ERBB4: variants seen among roughly 807,000 people sequenced by gnomAD.
The protein encoded by ERBB4 is erb-b2 receptor tyrosine kinase 4.
In ERBB4, 42 loss-of-function variants were observed where a neutral mutation model predicts 158.0. The ratio of observed to expected loss-of-function variants is 0.27; its 90% CI spans 0.21 to 0.34. The LOEUF (loss-of-function observed/expected upper bound fraction) is 0.34, where lower values mean the gene tolerates loss of function less well. Among genes scored for constraint, ERBB4 ranks in the 10% least tolerant of loss-of-function variants. The probability of loss-of-function intolerance (pLI) is 1.00; values close to 1 mark genes in which losing one functional copy is unlikely to be tolerated. For missense variants in ERBB4, 1,333 were observed against 1,624.1 expected (o/e 0.82, Z 3.08); for synonymous variants, 583 against 558.7 (o/e 1.04, Z -0.61).
intron 14 of ERBB4, among the ~76,000 whole-genome samples, chr2:211,670,246 T>C (rs1318233485): frequency 6.6e-6 from 1 of 152,114 alleles, no homozygotes; most frequent in Non-Finnish European, 1.5e-5. Context: ...ATATGAATCA[T>C]TAAGGGTTGA....
At chr2:211,896,616 C>G (rs2079104637) in intron 3 of ERBB4, among the ~76,000 whole-genome samples, 1 of 151,976 alleles carries the variant, frequency 6.6e-6, no homozygotes, top group Non-Finnish European at 1.5e-5. Context: ...CATTTGTAGT[C>G]TTGAGAAGGT....
intron 2 of ERBB4, among the ~76,000 whole-genome samples, chr2:211,978,396 G>GTCTGTCTGTCTATCTA (rs77259627): frequency 0.012 from 1,685 of 136,508 alleles, 29 homozygotes; most frequent in African/African-American, 0.031. Flanking sequence ...CTGTCTGTCT[G>GTCTGTCTGTCTATCTA]TCTATCTATC....
intron 2 of ERBB4, among the ~76,000 whole-genome samples, chr2:211,973,526 T>C (rs889175408): frequency 5.3e-5 from 8 of 152,050 alleles, no homozygotes; most frequent in Non-Finnish European, 1.0e-4. Flanking sequence ...AAAACCACAA[T>C]GATATATCAT....
chr2:212,320,166 C>A (rs939464278), intron 1 of ERBB4, among the ~76,000 whole-genome samples: 3 of 147,640 alleles, frequency 2.0e-5, no homozygotes, highest in African/African-American at 7.6e-5. Context: ...TATGTTCTGA[C>A]TGGGTAAATC....
chr2:212,026,659 C>T (rs184347702), intron 2 of ERBB4, among the ~76,000 whole-genome samples: 153 of 151,928 alleles, frequency 1.0e-3, no homozygotes, highest in Non-Finnish European at 1.5e-3. Context: ...GAATATGAAT[C>T]TCCTCCCAGA....
At chr2:212,090,790 A>C (rs973800455) in intron 2 of ERBB4, among the ~76,000 whole-genome samples, 1 of 152,172 alleles carries the variant, frequency 6.6e-6, no homozygotes, top group Non-Finnish European at 1.5e-5. Flanking sequence ...CTGATGATTA[A>C]AACAAGGTTT....
intron 20 of ERBB4, among the ~76,000 whole-genome samples, chr2:211,522,516 G>A (rs1184350787): frequency 6.6e-6 from 1 of 152,114 alleles, no homozygotes; most frequent in African/African-American, 2.4e-5. Flanking sequence ...GACAACAAAC[G>A]ATTTAGAGTA....
chr2:211,969,936 G>T (rs839507), intron 2 of ERBB4, among the ~76,000 whole-genome samples: 1 of 151,724 alleles, frequency 6.6e-6, no homozygotes, highest in Admixed American at 6.6e-5. Context: ...CTAGCTTTGG[G>T]ATTTCTTTGC....
chr2:212,214,158 C>T (rs4630709), intron 1 of ERBB4, among the ~76,000 whole-genome samples: 83,895 of 151,164 alleles, frequency 0.55, 23,461 homozygotes, highest in East Asian at 0.77. Flanking sequence ...AGAATTTTTA[C>T]ACATATGGGA....
At chr2:212,398,619 CA>C (rs2091098048) in intron 1 of ERBB4, among the ~76,000 whole-genome samples, 1 of 152,062 alleles carries the variant, frequency 6.6e-6, no homozygotes, top group African/African-American at 2.4e-5. Flanking sequence ...TGCTTATAGA[CA>C]GAGCTAATTA....
chr2:212,500,730 T>C (rs1690842738), intron 1 of ERBB4, among the ~76,000 whole-genome samples: 1 of 152,070 alleles, frequency 6.6e-6, no homozygotes, highest in Admixed American at 6.6e-5. Flanking sequence ...ACAAAAATAT[T>C]CAATCCATCT....
intron 12 of ERBB4, among the ~76,000 whole-genome samples, chr2:211,691,157 T>C (rs958680796): frequency 6.6e-6 from 1 of 152,202 alleles, no homozygotes; most frequent in Admixed American, 6.5e-5. Flanking sequence ...TGTTTAGTGG[T>C]CATCATAGTT....
At chr2:211,546,045 C>T (rs1182359860) in intron 20 of ERBB4, among the ~76,000 whole-genome samples, 1 of 151,936 alleles carries the variant, frequency 6.6e-6, no homozygotes, top group Admixed American at 6.6e-5. Context: ...TTTACCTTAG[C>T]CAAATAAAAC....
chr2:211,456,327 T>C (rs1022473041), intron 20 of ERBB4, among the ~76,000 whole-genome samples: 1 of 152,222 alleles, frequency 6.6e-6, no homozygotes, highest in Non-Finnish European at 1.5e-5. Context: ...TGTAAGGATA[T>C]AATATACAAT....
Position 212,148,315 on chromosome 2 carries a change from A to G in ERBB4, c.83-23412T>C, listed in dbSNP as rs2080752436. Among the ~76,000 whole-genome samples, 3 of 152,196 alleles carry G rather than the reference A, an allele frequency of 2.0e-5. 1 individual carries two copies. The South Asian group carries it at 6.2e-4, about 32-fold the overall frequency. ...TACAAAGAGGAATATACTTATTAGCAGATACCTCGCATAATTCAAAAAAGA... is the reference window on the plus strand; with the variant it reads ...TACAAAGAGGAATATACTTATTAGCGGATACCTCGCATAATTCAAAAAAGA... On this transcript the variant is annotated intron_variant, in intron 1 of 27. Transcript: ENST00000342788.
chr2:211,673,013 T>A (rs2071901277), intron 14 of ERBB4, 151 bp downstream of exon 14: 1 of 682,486 alleles, frequency 1.5e-6, no homozygotes, highest in African/African-American at 1.8e-5. Flanking sequence ...TCTCTACTAC[T>A]AAACTTTAAG....
At chr2:211,763,678 T>G (rs1222911221) in intron 4 of ERBB4, among the ~76,000 whole-genome samples, 1 of 152,108 alleles carries the variant, frequency 6.6e-6, no homozygotes, top group African/African-American at 2.4e-5. Flanking sequence ...TGTTACAGAT[T>G]GCTAGCCTGT....
chr2:211,551,957 G>A (rs141215026), intron 20 of ERBB4, among the ~76,000 whole-genome samples: 1 of 152,312 alleles, frequency 6.6e-6, no homozygotes, highest in African/African-American at 2.4e-5. Flanking sequence ...TTTCACATCT[G>A]TCACAGAAGA....
At chr2:211,398,563 C>G (rs1387105440) in intron 25 of ERBB4, among the ~76,000 whole-genome samples, 1 of 152,114 alleles carries the variant, frequency 6.6e-6, no homozygotes, top group Non-Finnish European at 1.5e-5. Context: ...TGCAAGACCT[C>G]TAGGCAAGGT....
Sources: allele counts gnomAD v4.1 joint callset (sites outside exome capture counted in the v4.1 genomes callset), GRCh38; gene constraint gnomAD v4.1.1; transcripts MANE v1.5; gene names NCBI Gene and HGNC (gene_info 2026-07-23, HGNC 2026-07-21).